ROBO2: variants seen among roughly 807,000 people sequenced by gnomAD.
ROBO2 encodes roundabout homolog 2.
Under a neutral mutation model 160.8 loss-of-function variants are expected in ROBO2, and 53 were observed. That is an observed-to-expected ratio of 0.33 (90% CI 0.26 to 0.41). ROBO2 has a LOEUF of 0.41. ROBO2 is among the 10% of genes least tolerant of loss of function. The pLI, the probability that ROBO2 is intolerant of heterozygous loss-of-function variation, is 1.00. For synonymous variants in ROBO2, 664 were observed against 611.7 expected (o/e 1.09, Z -1.26); for missense variants, 1,577 against 1,722.4 (o/e 0.92, Z 1.49).
At chr3:76,805,784 A>G (rs1348842969) in intron 2 of ROBO2, among the ~76,000 whole-genome samples, 3 of 151,880 alleles carry the variant, frequency 2.0e-5, no homozygotes, top group Non-Finnish European at 4.4e-5. Flanking sequence ...ATTTGGCCTC[A>G]TAGGTCAAAC....
intron 2 of ROBO2, among the ~76,000 whole-genome samples, chr3:76,077,121 A>G (rs1032011728): frequency 8.5e-5 from 13 of 152,256 alleles, no homozygotes; most frequent in Non-Finnish European, 8.8e-5. Flanking sequence ...CAATAAATGC[A>G]GTATGAATGG....
intron 11 of ROBO2, 149 bp downstream of exon 12, chr3:77,563,478 A>G: frequency 1.2e-6 from 1 of 825,786 alleles, no homozygotes. Context: ...TTATTCAAGA[A>G]CAGAGTTAAT....
intron 2 of ROBO2, among the ~76,000 whole-genome samples, chr3:76,000,911 G>A (rs568679052): frequency 4.6e-5 from 7 of 151,916 alleles, no homozygotes; most frequent in South Asian, 2.1e-4. Context: ...TTTTAGTAGC[G>A]AACTTAATCT....
At chr3:76,875,563 T>G (rs1333357873) in intron 2 of ROBO2, among the ~76,000 whole-genome samples, 1 of 152,180 alleles carries the variant, frequency 6.6e-6, no homozygotes, top group East Asian at 1.9e-4. Context: ...TCCTTGCCTT[T>G]TCCAGCCTCC....
intron 12 of ROBO2, among the ~76,000 whole-genome samples, chr3:77,568,008 A>T (rs1189527163): frequency 6.6e-6 from 1 of 152,074 alleles, no homozygotes; most frequent in Non-Finnish European, 1.5e-5. Context: ...TACAGCACAT[A>T]CTTTATCCTT....
exon 1 of ROBO2, chr3:77,040,257 G>A: frequency 2.0e-6 from 2 of 988,500 alleles, no homozygotes; most frequent in Non-Finnish European, 2.4e-6. Context: ...TATTATGGAA[G>A]TTAAGTAAAA....
intron 2 of ROBO2, among the ~76,000 whole-genome samples, chr3:77,165,602 T>C (rs1238581596): frequency 6.6e-6 from 1 of 152,114 alleles, no homozygotes; most frequent in African/African-American, 2.4e-5. Context: ...TTTGTTGATA[T>C]ATTCATTAGT....
chr3:75,951,343 C>T (rs879459932), intron 2 of ROBO2, among the ~76,000 whole-genome samples: 4 of 152,042 alleles, frequency 2.6e-5, no homozygotes, highest in African/African-American at 7.2e-5. Flanking sequence ...ATATTATAGG[C>T]TTTGCTGGCC....
At chr3:77,328,422 AAGAGTTCCT>A (rs1315089541) in intron 2 of ROBO2, among the ~76,000 whole-genome samples, 10 of 152,328 alleles carry the variant, frequency 6.6e-5, no homozygotes, top group African/African-American at 2.4e-4. Context: ...ATATTCTGTG[AAGAGTTCCT>A]AGCAAGCCAG....
chr3:76,948,904 A>T (rs1421849549), intron 2 of ROBO2, among the ~76,000 whole-genome samples: 63 of 24,814 alleles, frequency 2.5e-3, no homozygotes, highest in African/African-American at 0.012. Context: ...ATATATATAT[A>T]TATATTTTTT....
chr3:77,537,349 C>A (rs1450070417), intron 6 of ROBO2, among the ~76,000 whole-genome samples: 1 of 152,084 alleles, frequency 6.6e-6, no homozygotes, highest in Non-Finnish European at 1.5e-5. Flanking sequence ...AATTCCAAGA[C>A]TGTTTCTAAA....
intron 2 of ROBO2, among the ~76,000 whole-genome samples, chr3:76,638,092 A>G (rs544221157): frequency 1.9e-4 from 29 of 152,190 alleles, no homozygotes; most frequent in African/African-American, 6.0e-4. Flanking sequence ...AGATACTATC[A>G]TGTACTTGAT....
At chr3:77,370,973 A>G (rs1278191397) in intron 2 of ROBO2, among the ~76,000 whole-genome samples, 2 of 152,168 alleles carry the variant, frequency 1.3e-5, no homozygotes, top group Non-Finnish European at 2.9e-5. Flanking sequence ...CAGTTGTCGT[A>G]TAGTTCGGTC....
intron 2 of ROBO2, among the ~76,000 whole-genome samples, chr3:76,075,881 A>T (rs985755763): frequency 6.6e-6 from 1 of 152,230 alleles, no homozygotes; most frequent in Non-Finnish European, 1.5e-5. Context: ...GATCAGGAAG[A>T]TACAGTAACT....
At chr3:77,351,300 C>T (rs1054244646) in intron 2 of ROBO2, among the ~76,000 whole-genome samples, 2 of 152,190 alleles carry the variant, frequency 1.3e-5, no homozygotes, top group East Asian at 1.9e-4. Context: ...CATAAGAACA[C>T]CTGAATTTAA....
intron 2 of ROBO2, among the ~76,000 whole-genome samples, chr3:76,449,062 A>T (rs2077341171): frequency 6.6e-6 from 1 of 152,178 alleles, no homozygotes. Context: ...TTTTTCATTC[A>T]CAAATAATAA....
chr3:76,574,830 T>C (rs1017869709), intron 2 of ROBO2, among the ~76,000 whole-genome samples: 9 of 152,230 alleles, frequency 5.9e-5, no homozygotes, highest in Admixed American at 3.9e-4. Context: ...TGTGATCTCA[T>C]AGGCTCCCAG....
rs145529319 is a variant in ROBO2, at chr3:76,210,369, G to A, written c.109+272767G>A. Among the ~76,000 whole-genome samples the A allele has an allele frequency of 5.7e-3, 861 of 152,130 alleles. 12 individuals are homozygous for A. The highest frequency in any genetic ancestry group is 0.02 in the African/African-American group (826 of 41,540). ...GTGGACTCTCTAGCCGTCTGAAAAA[G>A]AATATTATACACACAGCATTTTAAA... On this transcript the variant is annotated intron_variant, in intron 2 of 26. Transcript: ENST00000487694.
intron 5 of ROBO2, among the ~76,000 whole-genome samples, chr3:77,501,764 T>C (rs1355514265): frequency 1.3e-5 from 2 of 152,188 alleles, no homozygotes; most frequent in African/African-American, 4.8e-5. Flanking sequence ...AGAAAATTAA[T>C]ATTACCTGTG....
Sources: gnomAD v4.1 joint callset for allele counts (sites outside exome capture counted in the v4.1 genomes callset) on GRCh38, gnomAD v4.1.1 for gene constraint, MANE v1.5 for transcripts, NCBI Gene and HGNC (gene_info 2026-07-23, HGNC 2026-07-21) for gene names.